Variants in MALRD1 observed in about 807,000 individuals in gnomAD.
MALRD1 encodes MAM and LDL-receptor class A domain-containing protein 1.
A neutral mutation model predicts 242.1 loss-of-function variants in MALRD1; 247 were observed. The ratio of observed to expected loss-of-function variants is 1.02; its 90% CI spans 0.92 to 1.13. MALRD1 has a LOEUF of 1.13. Among genes scored for constraint, MALRD1 ranks in the 50% most tolerant of loss-of-function variants. The pLI, the probability that MALRD1 is intolerant of heterozygous loss-of-function variation, is 0.00. For missense variants in MALRD1, 2,989 were observed against 2,533.1 expected, an observed-to-expected ratio of 1.18 and a Z score of -3.86; for synonymous variants, 995 against 866.6, an observed-to-expected ratio of 1.15 and a Z score of -2.60.
At chr10:19,494,646 A>G (rs760879510) in intron 30 of MALRD1, among the ~76,000 whole-genome samples, 1 of 152,236 alleles carries the variant, frequency 6.6e-6, no homozygotes, top group Non-Finnish European at 1.5e-5. Flanking sequence ...AGCAAGTATT[A>G]GCACCAGAAT....
At chr10:19,108,828 G>A (rs1181654586) in intron 5 of MALRD1, among the ~76,000 whole-genome samples, 1 of 152,084 alleles carries the variant, frequency 6.6e-6, no homozygotes, top group Non-Finnish European at 1.5e-5. Context: ...CATTTTGGGT[G>A]GGGGTCAGGT....
Position 19,052,001 on chromosome 10 carries a change from A to AGGT in MALRD1, c.199+2865_199+2866insGTG, listed in dbSNP as rs1834521184. The AGGT allele has an allele frequency of 3.2e-5, 10 of 311,082 alleles. No individual in the cohort carries two copies. In the Admixed American group the frequency reaches 3.7e-4, roughly 11 times the overall value. 19.3% of individuals were successfully genotyped at this position (311,082 alleles called of 1,614,324 possible). A position where few individuals can be genotyped will look rare whatever the true frequency, so the allele number is the denominator to read the frequency against. ...AAATAGAATGTGGACCTAAATACTC[A>AGGT]GAAGCACCGCCCATTGTGAGATTTG... On this transcript the variant is annotated intron_variant, in intron 1 of 39. Transcript: ENST00000454679.
rs12219723 is a variant in MALRD1 at position 19,247,886 on chromosome 10, C to T, written c.2992-9798C>T. Among the ~76,000 whole-genome samples, 124 of 152,090 alleles carry T rather than the reference C, an allele frequency of 8.2e-4. 1 individual carries two copies. The East Asian group carries it at 0.02, about 24-fold the overall frequency. On this transcript the variant is annotated intron_variant, in intron 18 of 39. Coordinates refer to ENST00000454679, the MANE Select transcript of MALRD1 (RefSeq NM_001142308.3). ...ATTTAATTGAGCAAGGAAAGATTCA[C>T]GAATTGGGCAGCACTCAGAACCAGG...
At chr10:19,692,396 T>A (rs1315343690) in intron 37 of MALRD1, 35 bp downstream of exon 37, 1 of 1,532,160 alleles carries the variant, frequency 6.5e-7, no homozygotes, top group Admixed American at 2.0e-5. Context: ...ATGGCTTGGT[T>A]TGGGGTGGTC....
Position 19,427,895 on chromosome 10 carries a change from C to T in MALRD1, c.4846-22412C>T, listed in dbSNP as rs916370630. ...ACAGAGATTTAAGACATGGAATTTG[C>T]CTTGAATGCAATCCCAGTGAGAAGC... is the stretch of plus-strand genomic sequence containing the variant. On this transcript the variant is annotated intron_variant, in intron 28 of 39. Transcript: ENST00000454679. Among the ~76,000 whole-genome samples the T allele has an allele frequency of 3.3e-5, 5 of 152,086 alleles. No individual in the cohort carries two copies. The South Asian group carries it at 6.2e-4, about 19-fold the overall frequency.
intron 36 of MALRD1, chr10:19,633,620 A>G (rs900408786): frequency 1.3e-5 from 2 of 152,100 alleles, no homozygotes; most frequent in African/African-American, 4.8e-5. Flanking sequence ...GAAGTTGAGG[A>G]GACCCCAAAG....
In MALRD1 at chr10:19,567,487, T is replaced by A; in HGVS notation, c.5479-15T>A. 1 of 1,545,436 alleles carries A rather than the reference T, an allele frequency of 6.5e-7. No homozygotes were observed. The highest frequency in any genetic ancestry group is 8.7e-7 in the Non-Finnish European group (1 of 1,144,490). ...TATCCAATCATAAAAAGTTATTTTT[T>A]AATGATTTTTAAAGGTGTATACCAT... On this transcript the variant is annotated splice_polypyrimidine_tract_variant and intron_variant, in intron 32 of 39. Coordinates refer to ENST00000454679, the MANE Select transcript of MALRD1 (RefSeq NM_001142308.3).
chr10:19,256,536 C>T (rs1267720754), intron 18 of MALRD1, among the ~76,000 whole-genome samples: 1 of 151,980 alleles, frequency 6.6e-6, no homozygotes, highest in African/African-American at 2.4e-5. Context: ...TGTATAACAC[C>T]ATTAAATGTT....
At chr10:19,056,623 C>T (rs1164844947) in intron 1 of MALRD1, among the ~76,000 whole-genome samples, 2 of 152,024 alleles carry the variant, frequency 1.3e-5, no homozygotes, top group Non-Finnish European at 2.9e-5. Context: ...ATTATGTCAT[C>T]TGCAAACAGG....
At chr10:19,187,927 G>A (rs1835809231) in intron 14 of MALRD1, among the ~76,000 whole-genome samples, 1 of 152,154 alleles carries the variant, frequency 6.6e-6, no homozygotes, top group Non-Finnish European at 1.5e-5. Context: ...TAACAAATAT[G>A]CACATGTATT....
At chr10:19,669,820 G>A (rs957903347) in intron 36 of MALRD1, among the ~76,000 whole-genome samples, 2 of 152,132 alleles carry the variant, frequency 1.3e-5, no homozygotes, top group African/African-American at 4.8e-5. Context: ...GAGAGAGGCT[G>A]CTTGGAGGCA....
rs545454148 is a variant in MALRD1 at position 19,451,134 on chromosome 10, A to T, written c.5029+644A>T. On this transcript the variant is annotated intron_variant, in intron 29 of 39. Transcript: ENST00000454679. ...AACATGGATAATTTTTCCCTTCTGA[A>T]TTTGTTTTTCAACACAATTTTAAAT... Among the ~76,000 whole-genome samples the T allele has an allele frequency of 1.6e-4, 25 of 152,314 alleles. No homozygotes were observed. In the South Asian group the frequency reaches 5.2e-3, roughly 32 times the overall value.
chr10:19,055,148 T>G (rs541789369), intron 1 of MALRD1, among the ~76,000 whole-genome samples: 1 of 152,174 alleles, frequency 6.6e-6, no homozygotes, highest in Non-Finnish European at 1.5e-5. Flanking sequence ...TTCCTAAGAT[T>G]AGTAATACTG....
chr10:19,446,570 T>C (rs145401907), intron 28 of MALRD1, among the ~76,000 whole-genome samples: 2 of 152,328 alleles, frequency 1.3e-5, no homozygotes, highest in East Asian at 1.9e-4. Context: ...TTGTAGTGTT[T>C]CTTATTGCCT....
chr10:19,467,695 C>CTT (rs113515328), intron 29 of MALRD1, among the ~76,000 whole-genome samples: 116,030 of 149,570 alleles, frequency 0.78, 45,796 homozygotes, highest in East Asian at 1. Context: ...GCTTTTTTGG[C>CTT]TTTTTTTTGT....
intron 1 of MALRD1, among the ~76,000 whole-genome samples, chr10:19,059,062 A>G (rs1834746919): frequency 6.6e-6 from 1 of 152,188 alleles, no homozygotes; most frequent in Admixed American, 6.5e-5. Context: ...ATACCATTTC[A>G]TATGGTAGAA....
At chr10:19,337,201 A>C (rs1207023977) in intron 24 of MALRD1, among the ~76,000 whole-genome samples, 1 of 152,146 alleles carries the variant, frequency 6.6e-6, no homozygotes, top group Non-Finnish European at 1.5e-5. Context: ...AAGCTAGACA[A>C]TTTGTTAAGT....
intron 1 of MALRD1, 96 bp downstream of exon 1, chr10:19,049,233 C>T: frequency 5.3e-6 from 5 of 935,954 alleles, no homozygotes; most frequent in Non-Finnish European, 7.0e-6. Context: ...ATACTTGGCT[C>T]TGTATGCATT....
chr10:19,224,582 C>A (rs747580238), intron 18 of MALRD1, among the ~76,000 whole-genome samples: 1 of 152,146 alleles, frequency 6.6e-6, no homozygotes. Context: ...TGAGCCACCA[C>A]GCCCAGCCTA....
Sources: gnomAD v4.1 joint callset for allele counts (sites outside exome capture counted in the v4.1 genomes callset) on GRCh38, gnomAD v4.1.1 for gene constraint, MANE v1.5 for transcripts, NCBI Gene and HGNC (gene_info 2026-07-23, HGNC 2026-07-21) for gene names.